RBFOX1: variants seen among roughly 807,000 people sequenced by gnomAD.
RBFOX1 encodes the protein RNA binding fox-1 homolog 1, also known as RNA binding protein fox-1 homolog 1.
In RBFOX1, 8 loss-of-function variants were observed where a neutral mutation model predicts 57.7. That is an observed-to-expected ratio of 0.14 (90% confidence interval 0.08 to 0.25). The LOEUF is 0.25. Among genes scored for constraint, RBFOX1 ranks in the 10% least tolerant of loss-of-function variants. The pLI, the probability that RBFOX1 is intolerant of heterozygous loss-of-function variation, is 1.00. For synonymous variants in RBFOX1, 326 were observed against 222.4 expected, an observed-to-expected ratio of 1.47 and a Z score of -4.15; for missense variants, 611 against 548.5, an observed-to-expected ratio of 1.11 and a Z score of -1.14.
intron 4 of RBFOX1, among the ~76,000 whole-genome samples, chr16:7,419,455 G>T (rs914465988): frequency 1.3e-5 from 2 of 152,226 alleles, no homozygotes; most frequent in Non-Finnish European, 2.9e-5. Context: ...AATGCAACCG[G>T]CACCTTTGAG....
At chr16:5,839,160 C>G (rs1597446546) in intron 3 of RBFOX1, among the ~76,000 whole-genome samples, 1 of 152,160 alleles carries the variant, frequency 6.6e-6, no homozygotes, top group South Asian at 2.1e-4. Context: ...GAAGTAGATA[C>G]AAATTATCGT....
intron 3 of RBFOX1, among the ~76,000 whole-genome samples, chr16:5,745,079 G>C (rs543413854): frequency 4.1e-4 from 62 of 152,256 alleles, no homozygotes; most frequent in African/African-American, 1.3e-3. Flanking sequence ...ATCTCCCAGT[G>C]CTATCCCTCC....
chr16:6,872,130 G>T (rs1045608385), intron 3 of RBFOX1, among the ~76,000 whole-genome samples: 4 of 151,980 alleles, frequency 2.6e-5, no homozygotes, highest in Non-Finnish European at 4.4e-5. Flanking sequence ...AATATGATAC[G>T]CTTTCTTTTC....
rs548526424 is a variant in RBFOX1 at position 7,605,109 on chromosome 16, A to C, written c.623-2176A>C. Among the ~76,000 whole-genome samples, 218 of 152,326 alleles carry C rather than the reference A, an allele frequency of 1.4e-3. 1 individual carries two copies. The highest frequency in any genetic ancestry group is 1.6e-3 in the Non-Finnish European group (108 of 68,026). On this transcript the variant is annotated intron_variant, in intron 9 of 15. Transcript: ENST00000550418. Reference sequence around the variant, plus strand: ...CAACTAGTTTTTTGTACTTTTTCTTAGACTCCAAGTTGAAATGTAGATATT... The same window carrying C: ...CAACTAGTTTTTTGTACTTTTTCTTCGACTCCAAGTTGAAATGTAGATATT...
At chr16:5,593,878 C>T (rs533691390) in intron 2 of RBFOX1, among the ~76,000 whole-genome samples, 89 of 152,232 alleles carry the variant, frequency 5.8e-4, no homozygotes, top group Non-Finnish European at 1.0e-3. Flanking sequence ...GGGTCTGGAT[C>T]GGGACCCCTT....
intron 2 of RBFOX1, among the ~76,000 whole-genome samples, chr16:5,587,831 G>T (rs906128551): frequency 6.6e-6 from 1 of 152,148 alleles, no homozygotes; most frequent in African/African-American, 2.4e-5. Context: ...AAGAGTTGTC[G>T]TATAAGCCAG....
chr16:6,072,780 C>G lies in RBFOX1; in HGVS notation c.-127+52788C>G, dbSNP rs138937964. ...CTTTGTTAAGTGTTCTTAACCACCT[C>G]CATGTTAAGATCTCATAGTAAATGT... On this transcript the variant is annotated intron_variant, in intron 1 of 15. Coordinates refer to ENST00000550418, the MANE Select transcript of RBFOX1 (RefSeq NM_018723.4). Among the ~76,000 whole-genome samples the G allele has an allele frequency of 2.0e-3, 306 of 152,168 alleles. 2 individuals carry two copies. The highest frequency in any genetic ancestry group is 7.2e-3 in the African/African-American group (300 of 41,500).
At chr16:7,377,942 G>T (rs1316835744) in intron 4 of RBFOX1, among the ~76,000 whole-genome samples, 3 of 151,778 alleles carry the variant, frequency 2.0e-5, no homozygotes, top group African/African-American at 7.3e-5. Flanking sequence ...TTTTAGCTGG[G>T]ACAGGAAAGA....
At position 7,362,160 on chromosome 16, in the gene RBFOX1, GT is replaced by G. The variant is rs539142984; in HGVS notation, c.28-155983del. On this transcript the variant is annotated intron_variant, in intron 4 of 15. Transcript: ENST00000550418. ...TGTTAGTGTATGTGTGTTAGTGTAT[GT>G]TTTGTATGCTTGCTAGTGTGTGTGT... 1.7e-3 allele frequency among the ~76,000 whole-genome samples: 252 copies of G among 149,188 alleles called. 1 individual carries two copies. The highest frequency in any genetic ancestry group is 6.2e-3 in the African/African-American group (244 of 39,480).
chr16:5,583,709 C>G (rs2046746375), intron 2 of RBFOX1, among the ~76,000 whole-genome samples: 2 of 152,154 alleles, frequency 1.3e-5, no homozygotes, highest in African/African-American at 4.8e-5. Context: ...ATTTATTGGG[C>G]TTTTAGGATT....
intron 2 of RBFOX1, among the ~76,000 whole-genome samples, chr16:5,507,830 G>C (rs2043431105): frequency 6.6e-6 from 1 of 152,174 alleles, no homozygotes; most frequent in African/African-American, 2.4e-5. Context: ...ACCAGAAGCT[G>C]GGAAGACGCA....
chr16:5,492,606 G>A (rs1160495847), intron 2 of RBFOX1, among the ~76,000 whole-genome samples: 1 of 152,194 alleles, frequency 6.6e-6, no homozygotes, highest in Non-Finnish European at 1.5e-5. Context: ...GTGGCCAGAA[G>A]GACTTGTCTA....
intron 2 of RBFOX1, among the ~76,000 whole-genome samples, chr16:6,533,451 A>G (rs2096688634): frequency 6.6e-6 from 1 of 151,826 alleles, no homozygotes; most frequent in Non-Finnish European, 1.5e-5. Context: ...ACCAGCATCC[A>G]TAGTCCTGAA....
intron 4 of RBFOX1, among the ~76,000 whole-genome samples, chr16:5,870,405 G>A (rs911892255): frequency 1.3e-5 from 2 of 149,482 alleles, no homozygotes; most frequent in Non-Finnish European, 3.0e-5. Context: ...AAGGCACTTG[G>A]CAAGAAAAAA....
intron 2 of RBFOX1, among the ~76,000 whole-genome samples, chr16:6,363,646 T>G (rs527255718): frequency 1.3e-5 from 2 of 152,200 alleles, no homozygotes; most frequent in South Asian, 4.1e-4. Context: ...GGAGACTAAA[T>G]ACCATTTTTT....
intron 2 of RBFOX1, among the ~76,000 whole-genome samples, chr16:6,587,142 A>G (rs943507370): frequency 2.0e-5 from 3 of 151,976 alleles, no homozygotes; most frequent in Admixed American, 2.0e-4. Flanking sequence ...CTCTTATCTA[A>G]CTGAATTTTT....
intron 3 of RBFOX1, among the ~76,000 whole-genome samples, chr16:6,935,436 C>G (rs529512782): frequency 2.6e-4 from 39 of 152,276 alleles, no homozygotes; most frequent in Admixed American, 9.2e-4. Context: ...CTTTTTCTCT[C>G]TCTTCTTGTC....
chr16:7,293,987 C>G (rs1314054070), intron 4 of RBFOX1, among the ~76,000 whole-genome samples: 1 of 152,116 alleles, frequency 6.6e-6, no homozygotes, highest in Non-Finnish European at 1.5e-5. Flanking sequence ...AATGACAACT[C>G]ATCTTGTACT....
intron 3 of RBFOX1, among the ~76,000 whole-genome samples, chr16:6,867,354 G>T (rs1254777689): frequency 1.3e-5 from 2 of 151,924 alleles, no homozygotes; most frequent in Non-Finnish European, 2.9e-5. Context: ...ACCTCTCTTG[G>T]GGTAGTGATT....
Sources: allele counts gnomAD v4.1 joint callset (sites outside exome capture counted in the v4.1 genomes callset), GRCh38; gene constraint gnomAD v4.1.1; transcripts MANE v1.5; gene names NCBI Gene and HGNC (gene_info 2026-07-23, HGNC 2026-07-21).